PNKD: variants seen among roughly 807,000 people sequenced by gnomAD.
PNKD encodes PNKD metallo-beta-lactamase domain containing.
In PNKD, 36 loss-of-function variants were observed where a neutral mutation model predicts 45.3. That is an observed-to-expected ratio of 0.80 (90% CI 0.61 to 1.05). The LOEUF is 1.05. Ranked by LOEUF, PNKD falls within the 50% of genes least tolerant of loss-of-function variation. The probability of loss-of-function intolerance (pLI) is 0.00; values close to 1 mark genes in which losing one functional copy is unlikely to be tolerated. For synonymous variants in PNKD, 197 were observed against 210.1 expected (o/e 0.94, Z 0.54); for missense variants, 511 against 506.6 (o/e 1.01, Z -0.08).
chr2:218,296,781 C>T (rs1483769066), intron 2 of PNKD, among the ~76,000 whole-genome samples: 8 of 152,122 alleles, frequency 5.3e-5, no homozygotes, highest in Non-Finnish European at 5.9e-5. Flanking sequence ...TGGGTTCAAG[C>T]GATTCTCCTG....
chr2:218,273,647 A>T (rs1205253059), intron 2 of PNKD, among the ~76,000 whole-genome samples: 2 of 143,452 alleles, frequency 1.4e-5, no homozygotes, highest in South Asian at 2.2e-4. Context: ...CTCCCAGTTA[A>T]TTTTTTTTTT....
intron 2 of PNKD, chr2:218,278,317 TAA>T (rs777999104): frequency 1.6e-5 from 10 of 632,308 alleles, no homozygotes; most frequent in Non-Finnish European, 2.8e-5. Flanking sequence ...AGGGTTACTA[TAA>T]GAGTGACAGC....
intron 2 of PNKD, among the ~76,000 whole-genome samples, chr2:218,309,416 C>CAA (rs10553302): frequency 1.2e-3 from 65 of 54,454 alleles, no homozygotes; most frequent in South Asian, 6.3e-3. Context: ...GACTCCGCCT[C>CAA]AAAAAAAAAA....
At chr2:218,306,045 G>A (rs1454708393) in intron 2 of PNKD, among the ~76,000 whole-genome samples, 1 of 152,152 alleles carries the variant, frequency 6.6e-6, no homozygotes, top group Non-Finnish European at 1.5e-5. Flanking sequence ...AAGGTACCTG[G>A]TATCTTGAGG....
intron 7 of PNKD, among the ~76,000 whole-genome samples, chr2:218,342,631 T>G (rs1409596276): frequency 6.6e-6 from 1 of 150,944 alleles, no homozygotes; most frequent in African/African-American, 2.4e-5. Context: ...ACCCGAGAGG[T>G]AGAGGTTGCA....
chr2:218,308,426 A>C (rs1034942812), intron 2 of PNKD, among the ~76,000 whole-genome samples: 1 of 151,852 alleles, frequency 6.6e-6, no homozygotes, highest in Non-Finnish European at 1.5e-5. Flanking sequence ...TAAGCTTGTG[A>C]TCTGCCCGCC....
chr2:218,333,913 C>T (rs780789929), intron 2 of PNKD, among the ~76,000 whole-genome samples: 1 of 136,714 alleles, frequency 7.3e-6, no homozygotes, highest in Non-Finnish European at 1.6e-5. Context: ...TCAGGAGTTC[C>T]AGACCAGCTT....
At chr2:218,279,432 T>A in intron 2 of PNKD, 2 of 1,316,456 alleles carry the variant, frequency 1.5e-6, no homozygotes, top group African/African-American at 3.0e-5. Context: ...CCCAGTACTT[T>A]CCTCCCACTC....
chr2:218,310,730 T>G (rs748136082), intron 2 of PNKD, among the ~76,000 whole-genome samples: 19 of 151,676 alleles, frequency 1.3e-4, no homozygotes, highest in Admixed American at 2.6e-4. Flanking sequence ...TACCTGGGGT[T>G]ACAGGTGCGT....
At chr2:218,323,411 G>GA in intron 2 of PNKD, 1 of 1,573,166 alleles carries the variant, frequency 6.4e-7, no homozygotes, top group South Asian at 1.1e-5. Flanking sequence ...CGCACAGCCA[G>GA]CGGCTGCTCT....
At chr2:218,278,387 G>C (rs760088587) in intron 2 of PNKD, 5 of 982,614 alleles carry the variant, frequency 5.1e-6, no homozygotes, top group Admixed American at 3.8e-5. Context: ...AGCTGTCATC[G>C]TCATCCTCCT....
At chr2:218,330,021 C>T (rs1440334568) in intron 2 of PNKD, among the ~76,000 whole-genome samples, 3 of 66 alleles carry the variant, frequency 0.045, no homozygotes, top group African/African-American at 0.056. Context: ...GAACAGTCCC[C>T]GGCCAGGCCC....
intron 2 of PNKD, chr2:218,316,844 A>T (rs1693829049): frequency 6.6e-6 from 1 of 152,220 alleles, no homozygotes; most frequent in Non-Finnish European, 1.5e-5. Context: ...AGTTTTCTTC[A>T]GCCCTGCCCG....
At chr2:218,271,810 G>A (rs896408688) in intron 2 of PNKD, among the ~76,000 whole-genome samples, 11 of 152,162 alleles carry the variant, frequency 7.2e-5, no homozygotes, top group African/African-American at 1.4e-4. Context: ...CTCCCTTTTG[G>A]GAGCTTGGAG....
rs1287658326 is a variant in PNKD, at chr2:218,342,154, C to T, written c.781+10C>T. ...TTCCTCTCTGGCTGTGGTGAGTTTCCCCGAAAGAGAGAGGAGCTGGGAGAG... is the reference window on the plus strand; with the variant it reads ...TTCCTCTCTGGCTGTGGTGAGTTTCTCCGAAAGAGAGAGGAGCTGGGAGAG... On this transcript the variant is annotated intron_variant, in intron 7 of 9. Coordinates refer to ENST00000273077, the MANE Select transcript of PNKD (RefSeq NM_015488.5). 6.2e-7 allele frequency: 1 copy of T among 1,610,978 alleles called. No individual in the cohort carries two copies. Among genetic ancestry groups the T allele is most frequent in the East Asian group, 2.2e-5 (1 of 44,866 alleles).
intron 2 of PNKD, chr2:218,287,415 A>T (rs75714628): frequency 0.035 from 5,417 of 152,636 alleles, 100 homozygotes; most frequent in African/African-American, 0.048. Flanking sequence ...CAGCTCAGAA[A>T]CAGTTAAGAC....
At chr2:218,331,156 T>A (rs112593283) in intron 2 of PNKD, among the ~76,000 whole-genome samples, 6,203 of 152,250 alleles carry the variant, frequency 0.041, 435 homozygotes, top group African/African-American at 0.14. Flanking sequence ...GGCTGATGCC[T>A]GTAATCCCAG....
chr2:218,290,336 C>T (rs1344002200), intron 2 of PNKD, among the ~76,000 whole-genome samples: 3 of 152,234 alleles, frequency 2.0e-5, no homozygotes, highest in South Asian at 4.1e-4. Flanking sequence ...AACCTATTAA[C>T]ACCCTGTGGG....
At chr2:218,287,020 C>T (rs745877990) in intron 2 of PNKD, among the ~76,000 whole-genome samples, 1 of 152,104 alleles carries the variant, frequency 6.6e-6, no homozygotes, top group South Asian at 2.1e-4. Context: ...CTCATAGCCA[C>T]GAGAGCAAAT....
Sources: allele counts gnomAD v4.1 joint callset (sites outside exome capture counted in the v4.1 genomes callset), GRCh38; gene constraint gnomAD v4.1.1; transcripts MANE v1.5; gene names NCBI Gene and HGNC (gene_info 2026-07-23, HGNC 2026-07-21).